Variants in RB1 observed in about 807,000 individuals in gnomAD.
The protein encoded by RB1 is RB transcriptional corepressor 1.
RB1 carries 18 observed loss-of-function variants against 135.4 expected under a neutral mutation model. The ratio of observed to expected loss-of-function variants is 0.13; its 90% CI spans 0.09 to 0.20. The LOEUF (loss-of-function observed/expected upper bound fraction) is 0.20, where lower values mean the gene tolerates loss of function less well. RB1 is among the 10% of genes least tolerant of loss of function. RB1 has a pLI of 1.00. For synonymous variants in RB1, 365 were observed against 373.2 expected (o/e 0.98, Z 0.25); for missense variants, 868 against 1,110.0 (o/e 0.78, Z 3.10).
intron 2 of RB1, among the ~76,000 whole-genome samples, chr13:48,342,048 T>C (rs953400712): frequency 6.6e-6 from 1 of 151,976 alleles, no homozygotes; most frequent in Non-Finnish European, 1.5e-5. Context: ...CCAAAGGCTT[T>C]ATAAATATAA....
chr13:48,386,227 C>T (rs1284939795), intron 17 of RB1, among the ~76,000 whole-genome samples: 1 of 152,060 alleles, frequency 6.6e-6, no homozygotes, highest in Non-Finnish European at 1.5e-5. Flanking sequence ...GGGATACATT[C>T]TAGGAAATAC....
chr13:48,323,833 T>C (rs1952262090), intron 2 of RB1, among the ~76,000 whole-genome samples: 1 of 152,096 alleles, frequency 6.6e-6, no homozygotes, highest in African/African-American at 2.4e-5. Context: ...TTTAACCTTA[T>C]AGATACTATG....
intron 17 of RB1, among the ~76,000 whole-genome samples, chr13:48,448,142 AG>A (rs1949301884): frequency 1.3e-5 from 2 of 152,202 alleles, no homozygotes; most frequent in African/African-American, 4.8e-5. Context: ...ATCCATGGCT[AG>A]GAAGTATAAA....
At chr13:48,406,328 C>G (rs1380481118) in intron 17 of RB1, among the ~76,000 whole-genome samples, 1 of 151,946 alleles carries the variant, frequency 6.6e-6, no homozygotes, top group African/African-American at 2.4e-5. Flanking sequence ...CAAATTTTGC[C>G]AAGTAATGAC....
chr13:48,326,358 T>TTTTG (rs912780027), intron 2 of RB1, among the ~76,000 whole-genome samples: 2 of 152,128 alleles, frequency 1.3e-5, no homozygotes, highest in Admixed American at 6.5e-5. Context: ...TGGTCTTGTT[T>TTTTG]TTTGTTTGTT....
intron 12 of RB1, among the ~76,000 whole-genome samples, chr13:48,375,878 C>T (rs1053514390): frequency 3.3e-5 from 5 of 151,872 alleles, no homozygotes; most frequent in African/African-American, 1.2e-4. Flanking sequence ...TGTGCCTGGC[C>T]ATAATCTTAA....
At chr13:48,422,376 G>T (rs1949019634) in intron 17 of RB1, among the ~76,000 whole-genome samples, 1 of 152,192 alleles carries the variant, frequency 6.6e-6, no homozygotes, top group African/African-American at 2.4e-5. Context: ...GGGGTTGGGG[G>T]TTAGAGGAGG....
chr13:48,307,220 G>A (rs1263964615), intron 1 of RB1, 60 bp from the exon 2 acceptor site: 2 of 1,391,206 alleles, frequency 1.4e-6, no homozygotes, highest in Non-Finnish European at 2.0e-6. Flanking sequence ...AAACAAGTAT[G>A]TACTGAATCA....
chr13:48,380,803 T>C (rs1313127554), intron 16 of RB1, among the ~76,000 whole-genome samples: 2 of 152,178 alleles, frequency 1.3e-5, no homozygotes, highest in African/African-American at 2.4e-5. Flanking sequence ...TCCTTATTAG[T>C]AAACAGATAA....
chr13:48,362,911 G>T lies in RB1; in HGVS notation c.815G>T (p.Arg272Ile). Residue 272 changes from arginine to isoleucine, a missense_variant, in exon 8 of 27, where the codon AGA (arginine) becomes ATA (isoleucine). Around this residue, in one of 3 missense-constraint regions of RB1, gnomAD observed 641 missense variants for 791.3 expected, o/e 0.81. Transcript: ENST00000267163. Reference sequence around the variant, plus strand: ...GCAAAACAACTAGAAAATGATACAAGAATTATTGAAGTTCTCTGTAAAGAA... The same window carrying T: ...GCAAAACAACTAGAAAATGATACAATAATTATTGAAGTTCTCTGTAAAGAA... The part of the protein sequence containing the change: ...RIAKQLENDT[R>I]IIEVLCKEHE... 6.2e-7 allele frequency: 1 copy of T among 1,613,768 alleles called. No individual in the cohort carries two copies. Among genetic ancestry groups the T allele is most frequent in the African/African-American group, 1.3e-5 (1 of 75,008 alleles).
intron 24 of RB1, 37 bp from the exon 25 acceptor site, chr13:48,476,664 T>A (rs1446719932): frequency 1.3e-6 from 2 of 1,598,838 alleles, no homozygotes; most frequent in African/African-American, 2.7e-5. Flanking sequence ...AACACTGGCA[T>A]TTAATGATTT....
chr13:48,340,849 A>G (rs1952436971), intron 2 of RB1: 1 of 154,746 alleles, frequency 6.5e-6, no homozygotes. Flanking sequence ...TCTTGAAAAC[A>G]GTGAAGCAGT....
intron 17 of RB1, chr13:48,401,311 C>T (rs993367682): frequency 6.6e-6 from 1 of 152,050 alleles, no homozygotes; most frequent in African/African-American, 2.4e-5. Context: ...CAAATCTTAA[C>T]TGGAATTGTG....
chr13:48,381,763 G>A (rs548061653), intron 17 of RB1, among the ~76,000 whole-genome samples: 1 of 152,168 alleles, frequency 6.6e-6, no homozygotes, highest in East Asian at 1.9e-4. Flanking sequence ...TGTTACATAT[G>A]TATACATGTG....
intron 2 of RB1, among the ~76,000 whole-genome samples, chr13:48,312,286 T>C (rs544937156): frequency 1.3e-3 from 201 of 152,292 alleles, no homozygotes; most frequent in African/African-American, 4.6e-3. Flanking sequence ...GCTGAATACT[T>C]TTTACTTTTG....
intron 20 of RB1, among the ~76,000 whole-genome samples, chr13:48,461,805 T>C (rs116197914): frequency 0.013 from 1,907 of 152,256 alleles, 47 homozygotes; most frequent in African/African-American, 0.043. Context: ...GAAATGTCTA[T>C]CAGACCGTTT....
intron 2 of RB1, chr13:48,320,090 G>T (rs919871210): frequency 6.3e-6 from 4 of 639,210 alleles, no homozygotes; most frequent in East Asian, 6.6e-5. Flanking sequence ...GATGGCTTCC[G>T]CAATGTCCCG....
At chr13:48,409,268 T>C (rs1027860138) in intron 17 of RB1, among the ~76,000 whole-genome samples, 7 of 151,880 alleles carry the variant, frequency 4.6e-5, no homozygotes, top group Non-Finnish European at 1.0e-4. Flanking sequence ...AGATGTATTT[T>C]GCTTTAGGTT....
At position 48,480,043 on chromosome 13, in the gene RB1, T is replaced by C. The variant is rs148501460; in HGVS notation, c.2759T>C (p.Met920Thr). 7 of 1,613,350 alleles carry C rather than the reference T, an allele frequency of 4.3e-6. No homozygotes were observed. In the African/African-American group the frequency reaches 6.7e-5, roughly 15 times the overall value. The change falls in exon 27 of 27, where the codon ATG becomes ACG. Residue 920 changes from methionine (M) to threonine (T), a missense_variant. By Grantham distance (81) the Met-to-Thr change is moderately conservative (BLOSUM62 -1). Around this residue, in one of 3 missense-constraint regions of RB1, gnomAD observed 196 missense variants for 239.8 expected, o/e 0.82. Coordinates refer to ENST00000267163, the MANE Select transcript of RB1 (RefSeq NM_000321.3). ...CAAAAGCAGAAAATGAATGATAGCA[T>C]GGATACCTCAAACAAGGAAGAGAAA... ...RMQKQKMNDS[M>T]DTSNKEEK
Sources: gnomAD v4.1 joint callset for allele counts (sites outside exome capture counted in the v4.1 genomes callset) on GRCh38, gnomAD v4.1.1 for gene constraint, gnomAD v4.1.1 regional missense constraint, MANE v1.5 for transcripts, NCBI Gene and HGNC (gene_info 2026-07-23, HGNC 2026-07-21) for gene names.